Variants in SMURF1 observed in about 807,000 individuals in gnomAD.
SMURF1 encodes the protein SMAD specific E3 ubiquitin protein ligase 1, also known as E3 ubiquitin-protein ligase SMURF1.
A neutral mutation model predicts 98.0 loss-of-function variants in SMURF1; 44 were observed. The ratio of observed to expected loss-of-function variants is 0.45; its 90% CI spans 0.35 to 0.58. SMURF1 has a LOEUF of 0.58. Ranked by LOEUF, SMURF1 falls within the 20% of genes least tolerant of loss-of-function variation. The probability of loss-of-function intolerance (pLI) is 0.00; values close to 1 mark genes in which losing one functional copy is unlikely to be tolerated. For synonymous variants in SMURF1, 396 were observed against 374.9 expected, an observed-to-expected ratio of 1.06 and a Z score of -0.65; for missense variants, 687 against 938.4, an observed-to-expected ratio of 0.73 and a Z score of 3.50.
chr7:99,129,146 A>T (rs1429931801), intron 1 of SMURF1, among the ~76,000 whole-genome samples: 1 of 152,224 alleles, frequency 6.6e-6, no homozygotes, highest in Admixed American at 6.5e-5. Context: ...TTCAAGACAC[A>T]TTTTTTCATA....
Position 99,143,803 on chromosome 7 carries a change from C to A in SMURF1, c.-23G>T, listed in dbSNP as rs1278937812. 2.6e-6 allele frequency: 4 copies of A among 1,540,600 alleles called. No individual in the cohort carries two copies. Among genetic ancestry groups the A allele is most frequent in the Non-Finnish European group, 3.5e-6 (4 of 1,146,196 alleles). Reference sequence around the variant, plus strand: ...CATCTCCCGCCAACGATCGGGCAGCCGCGGATCCAGCGCCACCGCCCCCCA... The same window carrying A: ...CATCTCCCGCCAACGATCGGGCAGCAGCGGATCCAGCGCCACCGCCCCCCA... On this transcript the variant is annotated 5_prime_UTR_variant, in exon 1 of 18. Coordinates refer to ENST00000361368, the MANE Select transcript of SMURF1 (RefSeq NM_181349.3).
rs28545226 is a variant in SMURF1 at position 99,134,849 on chromosome 7, A to G, written c.55+8877T>C. On this transcript the variant is annotated intron_variant, in intron 1 of 17. Coordinates refer to ENST00000361368, the MANE Select transcript of SMURF1 (RefSeq NM_181349.3). ...AGTTTTTTAAAGAACTCACTATATAAACAAGATCTAGAGTCCAAATTTCTT... is the reference window on the plus strand; with the variant it reads ...AGTTTTTTAAAGAACTCACTATATAGACAAGATCTAGAGTCCAAATTTCTT... Among the ~76,000 whole-genome samples the G allele has an allele frequency of 2.0e-5, 3 of 152,040 alleles. No homozygotes were observed. In the East Asian group the frequency reaches 5.8e-4, roughly 29 times the overall value.
intron 1 of SMURF1, among the ~76,000 whole-genome samples, chr7:99,135,692 T>C (rs1797976062): frequency 6.6e-6 from 1 of 152,252 alleles, no homozygotes. Context: ...TTTCAAACAA[T>C]GCTGCAATGA....
chr7:99,108,322 A>G (rs909751073), intron 1 of SMURF1, among the ~76,000 whole-genome samples: 1 of 151,614 alleles, frequency 6.6e-6, no homozygotes, highest in African/African-American at 2.4e-5. Context: ...GGTTCAAGCA[A>G]TTCTCAGCCA....
intron 8 of SMURF1, among the ~76,000 whole-genome samples, 180 bp downstream of exon 8, chr7:99,051,177 C>A (rs555772159): frequency 6.6e-6 from 1 of 152,296 alleles, no homozygotes; most frequent in East Asian, 1.9e-4. Context: ...ACTCACGTTT[C>A]AAATGTACCC....
intron 10 of SMURF1, among the ~76,000 whole-genome samples, chr7:99,046,100 T>C (rs1450799517): frequency 6.6e-6 from 1 of 152,148 alleles, no homozygotes; most frequent in African/African-American, 2.4e-5. Context: ...TAGGGTTGAT[T>C]CTTCTCTGTA....
In SMURF1 at chr7:99,038,504, T is replaced by C; in HGVS notation, c.1572A>G (p.Val524=). 1.9e-6 allele frequency: 3 copies of C among 1,614,212 alleles called. No individual in the cohort carries two copies. The highest frequency in any genetic ancestry group is 2.5e-6 in the Non-Finnish European group (3 of 1,180,030). The change falls in exon 14 of 18, where the codon GTA becomes GTG. Residue 524 remains valine (V), a synonymous_variant. Transcript: ENST00000361368. ...GTTCCACGCAGAAGGTGTGGTCCAG[T>C]ACAGGCGTGATGTCGTTCTCTCTGT... ...VWILENDITP[V]LDHTFCVEHN...
chr7:99,108,742 C>T (rs1286238755), intron 1 of SMURF1, among the ~76,000 whole-genome samples: 1 of 151,694 alleles, frequency 6.6e-6, no homozygotes, highest in Non-Finnish European at 1.5e-5. Context: ...CACACAGCTG[C>T]AAGCCTAAAG....
chr7:99,102,267 A>G (rs1797100530), intron 1 of SMURF1, among the ~76,000 whole-genome samples: 1 of 152,216 alleles, frequency 6.6e-6, no homozygotes, highest in Admixed American at 6.5e-5. Flanking sequence ...CTTTGTACAT[A>G]TTAATATCCT....
chr7:99,075,340 T>G lies in SMURF1; in HGVS notation c.56-13503A>C, dbSNP rs1420866106. On this transcript the variant is annotated intron_variant, in intron 1 of 17. Transcript: ENST00000361368. Reference sequence around the variant, plus strand: ...TCTCAGTCTGTTGCTCAGGCTGGGCTTGAACTCCTGGCCTCAAGTGATCTG... The same window carrying G: ...TCTCAGTCTGTTGCTCAGGCTGGGCGTGAACTCCTGGCCTCAAGTGATCTG... 4.6e-5 allele frequency among the ~76,000 whole-genome samples: 7 copies of G among 152,296 alleles called. No homozygotes were observed. The East Asian group carries it at 1.2e-3, about 25-fold the overall frequency.
chr7:99,069,426 A>C (rs1003392470), intron 1 of SMURF1, among the ~76,000 whole-genome samples: 2 of 152,128 alleles, frequency 1.3e-5, no homozygotes, highest in African/African-American at 4.8e-5. Flanking sequence ...TGGCACGAAC[A>C]CAGCTCACTG....
At chr7:99,118,030 G>A (rs1391553780) in intron 1 of SMURF1, among the ~76,000 whole-genome samples, 3 of 152,096 alleles carry the variant, frequency 2.0e-5, no homozygotes, top group African/African-American at 2.4e-5. Flanking sequence ...ATGAAAATAC[G>A]CTCATCCTCA....
intron 1 of SMURF1, among the ~76,000 whole-genome samples, chr7:99,133,999 A>G (rs1185200267): frequency 6.6e-6 from 1 of 152,090 alleles, no homozygotes; most frequent in Non-Finnish European, 1.5e-5. Flanking sequence ...AGGGAGGTAG[A>G]AAGTGAGAAT....
At chr7:99,044,728 T>A (rs1795516443) in intron 11 of SMURF1, among the ~76,000 whole-genome samples, 1 of 152,228 alleles carries the variant, frequency 6.6e-6, no homozygotes, top group Admixed American at 6.5e-5. Context: ...TCCATATTAC[T>A]AAATTGAACA....
chr7:99,094,087 C>T (rs541664211), intron 1 of SMURF1, among the ~76,000 whole-genome samples: 11 of 152,142 alleles, frequency 7.2e-5, no homozygotes, highest in South Asian at 4.2e-4. Context: ...AATTAAAGTC[C>T]GCTAATTGTT....
At chr7:99,087,956 T>A (rs1796720311) in intron 1 of SMURF1, among the ~76,000 whole-genome samples, 1 of 151,882 alleles carries the variant, frequency 6.6e-6, no homozygotes, top group African/African-American at 2.4e-5. Context: ...GAAAATTTCT[T>A]TAAAAAAAAA....
intron 1 of SMURF1, among the ~76,000 whole-genome samples, chr7:99,095,042 G>T (rs1257949920): frequency 6.6e-6 from 1 of 151,214 alleles, no homozygotes; most frequent in Non-Finnish European, 1.5e-5. Flanking sequence ...AGCATTGCCA[G>T]GTTTCCATGT....
chr7:99,061,528 T>A (rs1169844894), intron 2 of SMURF1, among the ~76,000 whole-genome samples: 1 of 152,186 alleles, frequency 6.6e-6, no homozygotes, highest in Non-Finnish European at 1.5e-5. Context: ...AAAGCAATAT[T>A]CTAATAGGTA....
In SMURF1 at chr7:99,043,008, TA is replaced by T. The variant is rs1322112873; in HGVS notation, c.1257-777del. Among the ~76,000 whole-genome samples the T allele has an allele frequency of 2.6e-4, 40 of 152,332 alleles. 1 individual carries two copies. Among genetic ancestry groups the T allele is most frequent in the Non-Finnish European group, 2.8e-4 (19 of 68,036 alleles). On this transcript the variant is annotated intron_variant, in intron 11 of 17. Transcript: ENST00000361368. ...AGAAGAGATGAGACTCCGAATCCTATAAAGTCTCTTTTTACTACAAAGGCAA... is the reference window on the plus strand; with the variant it reads ...AGAAGAGATGAGACTCCGAATCCTATAAGTCTCTTTTTACTACAAAGGCAA...
Sources: gnomAD v4.1 joint callset for allele counts (sites outside exome capture counted in the v4.1 genomes callset) on GRCh38, gnomAD v4.1.1 for gene constraint, MANE v1.5 for transcripts, NCBI Gene and HGNC (gene_info 2026-07-23, HGNC 2026-07-21) for gene names.